SET: variants seen among roughly 807,000 people sequenced by gnomAD.
SET encodes the protein protein SET.
A neutral mutation model predicts 39.0 loss-of-function variants in SET; 4 were observed. The observed-to-expected ratio is 0.10, with a 90% confidence interval of 0.05 to 0.23. The LOEUF is 0.23. Ranked by LOEUF, SET falls within the 10% of genes least tolerant of loss-of-function variation. The probability of loss-of-function intolerance (pLI) is 1.00; values close to 1 mark genes in which losing one functional copy is unlikely to be tolerated. For missense variants in SET, 137 were observed against 329.7 expected, an observed-to-expected ratio of 0.42 and a Z score of 4.53; for synonymous variants, 114 against 115.9, an observed-to-expected ratio of 0.98 and a Z score of 0.11.
chr9:128,690,081 C>T (rs1294149443), intron 1 of SET: 9 of 550,950 alleles, frequency 1.6e-5, no homozygotes, highest in Non-Finnish European at 2.1e-5. Context: ...GCTTCGCGCC[C>T]GGCCCGCGGC....
chr9:128,689,200 C>CGCGCCTGCGCCCT, upstream of SET: 1 of 958,112 alleles, frequency 1.0e-6, no homozygotes, highest in Non-Finnish European at 1.2e-6. Flanking sequence ...CGGGGCCTGG[C>CGCGCCTGCGCCCT]GCGCCTGCGC....
chr9:128,683,922 C>A, exon 1 of SET: 1 of 1,554,360 alleles, frequency 6.4e-7, no homozygotes. Flanking sequence ...AGTCTCCACT[C>A]CCGCCTCAAA....
upstream of SET, among the ~76,000 whole-genome samples, chr9:128,688,233 C>CT (rs767985283): frequency 2.6e-5 from 4 of 152,182 alleles, no homozygotes; most frequent in Non-Finnish European, 5.9e-5. Context: ...ACAAATGCTA[C>CT]TAATCAGGGT....
chr9:128,695,807 T>C lies in SET; in HGVS notation c.*1143T>C. 1 of 228,188 alleles carries C rather than the reference T, an allele frequency of 4.4e-6. No homozygotes were observed. The highest frequency in any genetic ancestry group is 5.7e-5 in the Admixed American group (1 of 17,698). The allele number at this position is 228,188 out of a possible 1,614,324, so 14.1% of individuals were successfully genotyped here. A position where few individuals can be genotyped will look rare whatever the true frequency, so the allele number is the denominator to read the frequency against. ...GATAGCTCAATACTCTCTGAGTACATTGTGCCCTTGATTTTTATCTCCAAG... is the reference window on the plus strand; with the variant it reads ...GATAGCTCAATACTCTCTGAGTACACTGTGCCCTTGATTTTTATCTCCAAG... On this transcript the variant is annotated 3_prime_UTR_variant, in exon 8 of 8. Transcript: ENST00000322030.
upstream of SET, among the ~76,000 whole-genome samples, chr9:128,685,736 C>G (rs1861259945): frequency 6.6e-6 from 1 of 152,092 alleles, no homozygotes; most frequent in African/African-American, 2.4e-5. Context: ...CTGTCCTCTT[C>G]AAAGGGAGCC....
intron 3 of SET, 166 bp from the exon 4 acceptor site, chr9:128,692,496 A>T (rs1400247524): frequency 6.0e-6 from 3 of 499,228 alleles, no homozygotes; most frequent in Non-Finnish European, 1.1e-5. Flanking sequence ...TAATTGCTTG[A>T]TGAAAGATAG....
At chr9:128,692,809 A>G in intron 4 of SET, 44 bp downstream of exon 4, 1 of 1,526,576 alleles carries the variant, frequency 6.6e-7, no homozygotes, top group Non-Finnish European at 9.1e-7. Flanking sequence ...GTGGAAATTA[A>G]TGTGAGCTTT....
Position 128,684,095 on chromosome 9 carries a change from T to C in SET, c.112+88T>C. ...TTTTACCCCCCAATCCCTCTTGAGA[T>C]GTGACCCCTAAGCACCCCCAAAGGG... On this transcript the variant is annotated intron_variant, in intron 1 of 7. Transcript: ENST00000372692. 2.8e-6 allele frequency: 3 copies of C among 1,081,826 alleles called. No homozygotes were observed. In the Middle Eastern group the frequency reaches 6.1e-4, roughly 220 times the overall value. The allele number at this position is 1,081,826 out of a possible 1,614,324, so 67.0% of individuals were successfully genotyped here.
Position 128,692,849 on chromosome 9 carries a change from T to C in SET, c.379-19T>C. ...GGAAGACCTGTTCATATTTCTAATCTTTCAATTATTTATTACAGTATTTTG... is the reference window on the plus strand; with the variant it reads ...GGAAGACCTGTTCATATTTCTAATCCTTCAATTATTTATTACAGTATTTTG... On this transcript the variant is annotated intron_variant, in intron 4 of 7. Transcript: ENST00000322030. 6.5e-7 allele frequency: 1 copy of C among 1,528,012 alleles called. No homozygotes were observed. The highest frequency in any genetic ancestry group is 9.1e-7 in the Non-Finnish European group (1 of 1,104,676). 94.7% of individuals were successfully genotyped at this position (1,528,012 alleles called of 1,614,324 possible). A position where few individuals can be genotyped will look rare whatever the true frequency, so the allele number is the denominator to read the frequency against.
In SET at chr9:128,696,029, T is replaced by C. The variant is rs1298405339; in HGVS notation, c.*1365T>C. On this transcript the variant is annotated 3_prime_UTR_variant, in exon 8 of 8. Coordinates refer to ENST00000322030, the MANE Select transcript of SET (RefSeq NM_003011.4). ...ATGGTGAGCAGTAACTGTCCCTGCT[T>C]TCTGGTATAAAGCTCTCAAATGTGA... The C allele has an allele frequency of 4.4e-6, 1 of 224,850 alleles. No individual in the cohort carries two copies. The highest frequency in any genetic ancestry group is 8.9e-6 in the Non-Finnish European group (1 of 112,162). 13.9% of individuals were successfully genotyped at this position (224,850 alleles called of 1,614,324 possible).
rs1430603773 is a variant in SET, at chr9:128,695,562, T to A, written c.*898T>A. On this transcript the variant is annotated 3_prime_UTR_variant, in exon 8 of 8. Coordinates refer to ENST00000322030, the MANE Select transcript of SET (RefSeq NM_003011.4). ...TTTGATGCTTTTCTCTCAGCATAGG[T>A]ATGCTTACTATGACCTTCCAAGTTT... 3 of 223,810 alleles carry A rather than the reference T, an allele frequency of 1.3e-5. No homozygotes were observed. The highest frequency in any genetic ancestry group is 3.7e-4 in the South Asian group (2 of 5,444). 13.9% of individuals were successfully genotyped at this position (223,810 alleles called of 1,614,324 possible).
At chr9:128,690,906 A>G (rs1861508042) in intron 1 of SET, among the ~76,000 whole-genome samples, 1 of 152,206 alleles carries the variant, frequency 6.6e-6, no homozygotes, top group Non-Finnish European at 1.5e-5. Context: ...AACCTTAATG[A>G]TCGGTCTGTT....
Position 128,694,780 on chromosome 9 carries a change from T to C in SET, c.*116T>C, listed in dbSNP as rs1671897755. The C allele has an allele frequency of 1.8e-6, 1 of 567,728 alleles. No individual in the cohort carries two copies. The highest frequency in any genetic ancestry group is 3.2e-5 in the East Asian group (1 of 31,122). 35.2% of individuals were successfully genotyped at this position (567,728 alleles called of 1,614,324 possible). A position where few individuals can be genotyped will look rare whatever the true frequency, so the allele number is the denominator to read the frequency against. ...TTTTCCCTCTTGTGCTCAGTCGCCCTGTTCTTGAGGTCTCTTTTCTCTACT... is the reference window on the plus strand; with the variant it reads ...TTTTCCCTCTTGTGCTCAGTCGCCCCGTTCTTGAGGTCTCTTTTCTCTACT... On this transcript the variant is annotated 3_prime_UTR_variant, in exon 8 of 8. Coordinates refer to ENST00000322030, the MANE Select transcript of SET (RefSeq NM_003011.4).
At chr9:128,693,567 A>G (rs1861621029) in intron 5 of SET, 71 bp from the exon 6 acceptor site, 1 of 1,445,294 alleles carries the variant, frequency 6.9e-7, no homozygotes, top group Admixed American at 2.8e-5. Context: ...GGAAAATCTT[A>G]TTTTTTAAAT....
chr9:128,694,114 A>ATG, intron 7 of SET, 72 bp downstream of exon 7: 1 of 1,323,944 alleles, frequency 7.6e-7, no homozygotes, highest in South Asian at 1.6e-5. Context: ...GTGTATATAT[A>ATG]TATATATAGT....
chr9:128,686,080 G>A (rs1861277317), upstream of SET, among the ~76,000 whole-genome samples: 1 of 151,942 alleles, frequency 6.6e-6, no homozygotes, highest in East Asian at 1.9e-4. Context: ...AGGCAAGGGA[G>A]GAATTCTGAG....
At chr9:128,693,286 AT>A (rs1861612347) in intron 5 of SET, among the ~76,000 whole-genome samples, 1 of 152,138 alleles carries the variant, frequency 6.6e-6, no homozygotes, top group African/African-American at 2.4e-5. Flanking sequence ...ACTGGACTAA[AT>A]TTTTTGTTGC....
intron 2 of SET, among the ~76,000 whole-genome samples, chr9:128,691,655 C>T (rs1861539367): frequency 6.6e-6 from 1 of 152,158 alleles, no homozygotes; most frequent in African/African-American, 2.4e-5. Flanking sequence ...GCACTCTTAA[C>T]AGTCATTATT....
chr9:128,686,962 CAT>C (rs1564356453), upstream of SET, among the ~76,000 whole-genome samples: 1 of 152,148 alleles, frequency 6.6e-6, no homozygotes, highest in African/African-American at 2.4e-5. Context: ...GACCCTGTCT[CAT>C]AATAATAACA....
Sources: allele counts gnomAD v4.1 joint callset (sites outside exome capture counted in the v4.1 genomes callset), GRCh38; gene constraint gnomAD v4.1.1; transcripts MANE v1.5; gene names NCBI Gene and HGNC (gene_info 2026-07-23, HGNC 2026-07-21).